The following SPIDR variants were observed in gnomAD, a reference collection of about 807,000 sequenced individuals.
The protein encoded by SPIDR is DNA repair-scaffolding protein.
Under a neutral mutation model 104.6 loss-of-function variants are expected in SPIDR, and 93 were observed. That is an observed-to-expected ratio of 0.89 (90% CI 0.75 to 1.06). SPIDR has a LOEUF of 1.06. Among genes scored for constraint, SPIDR ranks in the 50% least tolerant of loss-of-function variants. The probability of loss-of-function intolerance (pLI) is 0.00; values close to 1 mark genes in which losing one functional copy is unlikely to be tolerated. For missense variants in SPIDR, 1,154 were observed against 1,111.2 expected (o/e 1.04, Z -0.55); for synonymous variants, 431 against 416.9 (o/e 1.03, Z -0.41).
chr8:47,719,623 G>T (rs1200310343), intron 16 of SPIDR, among the ~76,000 whole-genome samples: 1 of 152,170 alleles, frequency 6.6e-6, no homozygotes, highest in Non-Finnish European at 1.5e-5. Flanking sequence ...GCTGGCCCAG[G>T]CACTGGGCTA....
chr8:47,607,885 T>C (rs1481502927), intron 10 of SPIDR, among the ~76,000 whole-genome samples: 1 of 149,122 alleles, frequency 6.7e-6, no homozygotes, highest in African/African-American at 2.6e-5. Context: ...AATCTAGAAA[T>C]TGGAACTTGA....
intron 8 of SPIDR, among the ~76,000 whole-genome samples, chr8:47,588,031 AT>A (rs770901173): frequency 0.55 from 8,975 of 16,378 alleles, 2,061 homozygotes; most frequent in Non-Finnish European, 0.58. Flanking sequence ...ATTAGCATAT[AT>A]ATATATATAT....
intron 10 of SPIDR, chr8:47,659,773 T>C (rs949489733): frequency 4.2e-6 from 4 of 961,226 alleles, no homozygotes; most frequent in Non-Finnish European, 3.7e-6. Context: ...TTGGTTTTTT[T>C]CCTTGGGTTG....
chr8:47,710,671 T>G (rs2081741754), intron 14 of SPIDR, among the ~76,000 whole-genome samples: 1 of 152,208 alleles, frequency 6.6e-6, no homozygotes, highest in African/African-American at 2.4e-5. Context: ...TTTCTCCATG[T>G]TGGTCAGGCT....
intron 5 of SPIDR, among the ~76,000 whole-genome samples, chr8:47,322,931 C>T (rs2046991806): frequency 6.6e-6 from 1 of 151,874 alleles, no homozygotes; most frequent in Non-Finnish European, 1.5e-5. Flanking sequence ...TACGCCGGGG[C>T]CTGTTGTCGG....
intron 10 of SPIDR, among the ~76,000 whole-genome samples, chr8:47,657,451 G>C (rs569316200): frequency 5.9e-5 from 9 of 152,098 alleles, no homozygotes; most frequent in Admixed American, 1.3e-4. Context: ...CAGCCTGAGG[G>C]ACCCTTATGG....
chr8:47,393,433 G>A (rs2060844251), intron 5 of SPIDR, among the ~76,000 whole-genome samples: 1 of 152,000 alleles, frequency 6.6e-6, no homozygotes, highest in South Asian at 2.1e-4. Context: ...TGTTCGAATG[G>A]TCAATTCCAC....
At chr8:47,354,848 G>T (rs1441904558) in intron 5 of SPIDR, among the ~76,000 whole-genome samples, 1 of 151,776 alleles carries the variant, frequency 6.6e-6, no homozygotes, top group Non-Finnish European at 1.5e-5. Context: ...TTGCTGTGTT[G>T]CCCAGGCTGC....
intron 5 of SPIDR, 117 bp downstream of exon 5, chr8:47,294,147 T>A: frequency 7.7e-7 from 1 of 1,301,564 alleles, no homozygotes; most frequent in Non-Finnish European, 1.0e-6. Flanking sequence ...CACTTTTGAC[T>A]CTTAGGGGAT....
chr8:47,362,079 G>T (rs1240907760), intron 5 of SPIDR, among the ~76,000 whole-genome samples: 1 of 152,186 alleles, frequency 6.6e-6, no homozygotes, highest in African/African-American at 2.4e-5. Flanking sequence ...GCCGAAGCTT[G>T]GCAGGTGTGG....
chr8:47,675,027 T>G (rs535470267), intron 11 of SPIDR, among the ~76,000 whole-genome samples: 1 of 152,262 alleles, frequency 6.6e-6, no homozygotes, highest in South Asian at 2.1e-4. Flanking sequence ...TTTTGTTTTT[T>G]GTTTTGTCTT....
At chr8:47,567,082 A>G (rs1410919187) in intron 8 of SPIDR, among the ~76,000 whole-genome samples, 2 of 152,210 alleles carry the variant, frequency 1.3e-5, no homozygotes, top group Non-Finnish European at 2.9e-5. Flanking sequence ...ATGCAAGTAC[A>G]TAAGTAATCA....
intron 5 of SPIDR, among the ~76,000 whole-genome samples, chr8:47,359,195 G>A (rs2055199522): frequency 6.7e-6 from 1 of 149,550 alleles, no homozygotes; most frequent in East Asian, 2.0e-4. Flanking sequence ...GCAGTGAGCC[G>A]AGATTGCGCC....
At chr8:47,702,869 G>A (rs1467717685) in intron 14 of SPIDR, among the ~76,000 whole-genome samples, 1 of 152,162 alleles carries the variant, frequency 6.6e-6, no homozygotes, top group Non-Finnish European at 1.5e-5. Flanking sequence ...GCTGTCGGTG[G>A]ATCACCAGCT....
intron 6 of SPIDR, among the ~76,000 whole-genome samples, chr8:47,399,382 C>T (rs2061589035): frequency 6.6e-6 from 1 of 152,208 alleles, no homozygotes; most frequent in Non-Finnish European, 1.5e-5. Context: ...GCTGGGAAGG[C>T]AGAGTCCCTG....
At chr8:47,439,302 T>C (rs775333552) in intron 7 of SPIDR, among the ~76,000 whole-genome samples, 1 of 152,248 alleles carries the variant, frequency 6.6e-6, no homozygotes, top group Non-Finnish European at 1.5e-5. Flanking sequence ...CTATTTATGT[T>C]TTTATACTCA....
chr8:47,721,048 G>A (rs772496485), intron 16 of SPIDR, among the ~76,000 whole-genome samples: 4 of 152,090 alleles, frequency 2.6e-5, no homozygotes, highest in Non-Finnish European at 5.9e-5. Context: ...ATGAGCCACC[G>A]CTTCTGGCCC....
At chr8:47,486,016 G>A (rs1480668050) in intron 8 of SPIDR, among the ~76,000 whole-genome samples, 2 of 152,198 alleles carry the variant, frequency 1.3e-5, no homozygotes, top group Admixed American at 6.5e-5. Flanking sequence ...CGACTTTGAC[G>A]AGTTGAGAGA....
intron 7 of SPIDR, among the ~76,000 whole-genome samples, chr8:47,426,776 G>A (rs936193623): frequency 1.3e-5 from 2 of 152,184 alleles, no homozygotes; most frequent in African/African-American, 2.4e-5. Flanking sequence ...ATCCTTTAAT[G>A]AGGAACCAAC....
Sources: gnomAD v4.1 joint callset for allele counts (sites outside exome capture counted in the v4.1 genomes callset) on GRCh38, gnomAD v4.1.1 for gene constraint, MANE v1.5 for transcripts, NCBI Gene and HGNC (gene_info 2026-07-23, HGNC 2026-07-21) for gene names.